The following DGKB variants were observed in gnomAD, a reference collection of about 807,000 sequenced individuals.
DGKB encodes the protein 90 kDa diacylglycerol kinase.
Under a neutral mutation model 114.3 loss-of-function variants are expected in DGKB, and 67 were observed. The observed-to-expected ratio is 0.59, with a 90% CI of 0.48 to 0.72. The LOEUF (loss-of-function observed/expected upper bound fraction) is 0.72. Among genes scored for constraint, DGKB ranks in the 30% least tolerant of loss-of-function variants. The probability of loss-of-function intolerance (pLI) is 0.00; values close to 1 mark genes in which losing one functional copy is unlikely to be tolerated. For synonymous variants in DGKB, 398 were observed against 323.1 expected, an observed-to-expected ratio of 1.23 and a Z score of -2.49; for missense variants, 907 against 975.2, an observed-to-expected ratio of 0.93 and a Z score of 0.93.
rs979908567 is a variant in DGKB, at chr7:14,721,924, G to A, written c.323-3239C>T. Among the ~76,000 whole-genome samples, 6 of 152,210 alleles carry A rather than the reference G, an allele frequency of 3.9e-5. No homozygotes were observed. In the South Asian group the frequency reaches 8.3e-4, roughly 21 times the overall value. On this transcript the variant is annotated intron_variant, in intron 5 of 25. Transcript: ENST00000402815. Reference sequence around the variant, plus strand: ...TGAGACTGTACAGAGATTGAACACTGCTTTATATCTTTCCTTCATTTTCTT... The same window carrying A: ...TGAGACTGTACAGAGATTGAACACTACTTTATATCTTTCCTTCATTTTCTT...
At chr7:14,592,354 G>A (rs1349332397) in intron 17 of DGKB, among the ~76,000 whole-genome samples, 2 of 151,794 alleles carry the variant, frequency 1.3e-5, no homozygotes, top group Admixed American at 6.6e-5. Flanking sequence ...CTTACGAAAG[G>A]TCTGCATTTT....
chr7:14,940,319 CAG>C (rs1012955664), intron 1 of DGKB, among the ~76,000 whole-genome samples: 2 of 150,008 alleles, frequency 1.3e-5, no homozygotes, highest in Non-Finnish European at 3.0e-5. Flanking sequence ...TTTAAGATGA[CAG>C]ATACCTCCAG....
At chr7:14,702,815 C>T (rs1825440477) in intron 6 of DGKB, among the ~76,000 whole-genome samples, 1 of 152,000 alleles carries the variant, frequency 6.6e-6, no homozygotes, top group South Asian at 2.1e-4. Context: ...TGCATTTCAC[C>T]AATTCTAACA....
chr7:14,489,735 T>C (rs1362042468), intron 20 of DGKB, among the ~76,000 whole-genome samples: 3 of 151,862 alleles, frequency 2.0e-5, no homozygotes, highest in African/African-American at 4.8e-5. Flanking sequence ...TGGGATGAGA[T>C]GGGAGAGTAA....
chr7:14,533,905 G>A (rs1225895618), intron 20 of DGKB, among the ~76,000 whole-genome samples: 7 of 151,936 alleles, frequency 4.6e-5, no homozygotes, highest in Admixed American at 4.6e-4. Context: ...CCTGCAAGAA[G>A]TACTAAGGAA....
chr7:14,622,026 G>A (rs941260188), intron 14 of DGKB, among the ~76,000 whole-genome samples: 8 of 151,944 alleles, frequency 5.3e-5, no homozygotes, highest in Admixed American at 6.6e-5. Context: ...GGAGTTGCCT[G>A]CTCCCTGTTT....
intron 20 of DGKB, among the ~76,000 whole-genome samples, chr7:14,495,569 A>T (rs1452682065): frequency 1.3e-5 from 2 of 151,874 alleles, no homozygotes; most frequent in African/African-American, 4.8e-5. Context: ...ATGTTATGAC[A>T]TTTAAGATAA....
At chr7:14,158,494 A>C (rs1306221757) in intron 25 of DGKB, among the ~76,000 whole-genome samples, 2 of 152,326 alleles carry the variant, frequency 1.3e-5, no homozygotes, top group East Asian at 3.9e-4. Context: ...TTATTAGAAG[A>C]AGAAACTTCT....
rs113024356 is a variant in DGKB, at chr7:14,391,147, G to A, written c.1836-45756C>T. ...TTTGTGATTAAATAATAACTTTACC[G>A]ATTATTAATGCCACATTAAATTCAC... On this transcript the variant is annotated intron_variant, in intron 21 of 25. Transcript: ENST00000402815. Among the ~76,000 whole-genome samples, 204 of 152,230 alleles carry A rather than the reference G, an allele frequency of 1.3e-3. 1 individual carries two copies. Among genetic ancestry groups the A allele is most frequent in the African/African-American group, 3.5e-3 (147 of 41,538 alleles).
intron 2 of DGKB, among the ~76,000 whole-genome samples, chr7:14,801,669 C>T (rs575285340): frequency 6.6e-6 from 1 of 151,962 alleles, no homozygotes; most frequent in South Asian, 2.1e-4. Flanking sequence ...ACTATCAGTT[C>T]CCCCCGTCTC....
intron 13 of DGKB, among the ~76,000 whole-genome samples, chr7:14,655,164 A>G (rs562596127): frequency 6.6e-6 from 1 of 151,950 alleles, no homozygotes; most frequent in African/African-American, 2.4e-5. Flanking sequence ...AGAATATACA[A>G]GGAACTCAAA....
chr7:14,687,370 G>C (rs1300347872), intron 9 of DGKB, among the ~76,000 whole-genome samples: 4 of 152,098 alleles, frequency 2.6e-5, no homozygotes, highest in African/African-American at 2.4e-5. Context: ...AGCTACGCAG[G>C]TGTCATACAG....
intron 20 of DGKB, among the ~76,000 whole-genome samples, chr7:14,481,995 TGGACTACATATTGA>T (rs1224974301): frequency 1.3e-5 from 2 of 152,038 alleles, no homozygotes; most frequent in African/African-American, 2.4e-5. Context: ...TCTTCTTATG[TGGACTACATATTGA>T]AGTCTGTGTC....
intron 23 of DGKB, among the ~76,000 whole-genome samples, chr7:14,316,550 C>A (rs1208256235): frequency 7.8e-6 from 1 of 127,910 alleles, no homozygotes; most frequent in Non-Finnish European, 1.6e-5. Context: ...TGGATAAATT[C>A]CTTGACACAT....
rs572583973 is a variant in DGKB at position 14,942,687 on chromosome 7, GTTCT to G, written c.-188+32005_-188+32008del. On this transcript the variant is annotated intron_variant, in intron 1 of 4. Transcript: ENST00000437998. ...CTCTCCAAACATGCTTCCCTTTCAG[GTTCT>G]TTGACTTTTCCACTTTGTCTTCTGG... Among the ~76,000 whole-genome samples the G allele has an allele frequency of 4.3e-3, 648 of 151,808 alleles. 5 individuals carry two copies. The highest frequency in any genetic ancestry group is 0.014 in the African/African-American group (600 of 41,434).
chr7:14,465,117 G>T (rs1449743611), intron 21 of DGKB, among the ~76,000 whole-genome samples: 1 of 152,072 alleles, frequency 6.6e-6, no homozygotes, highest in East Asian at 1.9e-4. Flanking sequence ...ACCTCCTCCT[G>T]GTAGCATATC....
chr7:14,796,993 C>G (rs909798438), intron 2 of DGKB, among the ~76,000 whole-genome samples: 26 of 152,172 alleles, frequency 1.7e-4, no homozygotes, highest in African/African-American at 6.0e-4. Context: ...ACTATACTGA[C>G]ATGGCTAAAT....
chr7:14,841,401 C>A lies in DGKB; in HGVS notation c.-138G>T. On this transcript the variant is annotated 5_prime_UTR_variant, in exon 2 of 26. Transcript: ENST00000402815. ...CAGGCTTTCAAAATATGCAATCTGT[C>A]CACATGAAACTGCTTTGGATGCTTG... The A allele has an allele frequency of 1.6e-6, 1 of 607,562 alleles. No homozygotes were observed. Among genetic ancestry groups the A allele is most frequent in the Non-Finnish European group, 2.8e-6 (1 of 357,000 alleles). The allele number at this position is 607,562 out of a possible 1,614,324, so 37.6% of individuals were successfully genotyped here.
At chr7:14,917,630 G>A (rs908690057) in intron 1 of DGKB, among the ~76,000 whole-genome samples, 5 of 151,860 alleles carry the variant, frequency 3.3e-5, no homozygotes, top group Middle Eastern at 3.2e-3. Flanking sequence ...AATGAACAAT[G>A]ATTAACCTTT....
Sources: allele counts gnomAD v4.1 joint callset (sites outside exome capture counted in the v4.1 genomes callset), GRCh38; gene constraint gnomAD v4.1.1; transcripts MANE v1.5; gene names NCBI Gene and HGNC (gene_info 2026-07-23, HGNC 2026-07-21).